ATG3: variants seen among roughly 807,000 people sequenced by gnomAD.
ATG3 encodes autophagy related 3.
ATG3 carries 25 observed loss-of-function variants against 50.7 expected under a neutral mutation model. The ratio of observed to expected loss-of-function variants is 0.49; its 90% CI spans 0.36 to 0.69. The LOEUF is 0.69. Ranked by LOEUF, ATG3 falls within the 30% of genes least tolerant of loss-of-function variation. The pLI is 0.00. For synonymous variants in ATG3, 119 were observed against 125.5 expected (o/e 0.95, Z 0.34); for missense variants, 281 against 376.0 (o/e 0.75, Z 2.09).
chr3:112,536,860 G>C (rs1933067062), intron 9 of ATG3: 1 of 187,458 alleles, frequency 5.3e-6, no homozygotes, highest in African/African-American at 2.6e-5. Context: ...GGCAGAGCTT[G>C]CAATGAGCTG....
intron 4 of ATG3, among the ~76,000 whole-genome samples, 195 bp downstream of exon 4, chr3:112,549,997 A>T (rs900215109): frequency 6.6e-6 from 1 of 152,182 alleles, no homozygotes; most frequent in Non-Finnish European, 1.5e-5. Flanking sequence ...ACTTCAAAAA[A>T]ATCCACTTAG....
chr3:112,551,289 T>G (rs1933519231), intron 3 of ATG3, among the ~76,000 whole-genome samples: 1 of 152,214 alleles, frequency 6.6e-6, no homozygotes, highest in Non-Finnish European at 1.5e-5. Flanking sequence ...TTCTTTTGAC[T>G]AGTCCCAAGT....
chr3:112,536,416 A>G (rs1454148756), intron 10 of ATG3, 59 bp downstream of exon 10: 2 of 1,584,928 alleles, frequency 1.3e-6, no homozygotes, highest in Non-Finnish European at 1.7e-6. Context: ...TTCTCAAGTA[A>G]TAAATCCATG....
At chr3:112,550,164 T>G in intron 4 of ATG3, 28 bp downstream of exon 4, 2 of 1,545,206 alleles carry the variant, frequency 1.3e-6, no homozygotes, top group East Asian at 2.3e-5. Flanking sequence ...TACGCAAAAT[T>G]TATTCATATA....
chr3:112,539,642 T>A (rs1225664990), intron 7 of ATG3, among the ~76,000 whole-genome samples: 4 of 152,216 alleles, frequency 2.6e-5, no homozygotes, highest in Non-Finnish European at 4.4e-5. Context: ...CTGATTAGAA[T>A]ATAAACTCCA....
chr3:112,556,857 T>TA (rs1047395850), intron 2 of ATG3, among the ~76,000 whole-genome samples: 2 of 151,904 alleles, frequency 1.3e-5, no homozygotes, highest in African/African-American at 4.8e-5. Flanking sequence ...CACCACTCCC[T>TA]AACCTCAAGT....
At chr3:112,538,045 C>T in intron 8 of ATG3, 101 bp downstream of exon 8, 2 of 1,231,866 alleles carry the variant, frequency 1.6e-6, no homozygotes, top group Non-Finnish European at 2.3e-6. Flanking sequence ...TCAATATGAA[C>T]AAATTAGAAT....
intron 7 of ATG3, among the ~76,000 whole-genome samples, chr3:112,540,540 CTCTA>C (rs559527379): frequency 6.3e-4 from 95 of 151,930 alleles, no homozygotes; most frequent in Non-Finnish European, 1.1e-3. Flanking sequence ...GTAATTTATA[CTCTA>C]TCTTTCTTGT....
chr3:112,553,164 G>C, intron 3 of ATG3, 116 bp downstream of exon 3: 2 of 822,614 alleles, frequency 2.4e-6, no homozygotes, highest in Non-Finnish European at 4.0e-6. Flanking sequence ...GAATCTGCTG[G>C]GGGGAAAGTT....
chr3:112,548,864 G>A (rs1933446464), intron 4 of ATG3, among the ~76,000 whole-genome samples: 1 of 152,222 alleles, frequency 6.6e-6, no homozygotes. Flanking sequence ...AAGACAAGTA[G>A]AAAAGCTCTA....
intron 7 of ATG3, chr3:112,538,385 T>C (rs116705008): frequency 0.011 from 5,792 of 526,510 alleles, 179 homozygotes; most frequent in African/African-American, 0.08. Flanking sequence ...TGTTTAAGGC[T>C]TGACATAATA....
intron 2 of ATG3, among the ~76,000 whole-genome samples, chr3:112,556,846 T>A (rs992788662): frequency 6.6e-6 from 1 of 151,960 alleles, no homozygotes; most frequent in African/African-American, 2.4e-5. Flanking sequence ...TTAAGAGTCA[T>A]CACCACTCCC....
At chr3:112,544,384 G>A (rs766077399) in intron 5 of ATG3, among the ~76,000 whole-genome samples, 1 of 152,108 alleles carries the variant, frequency 6.6e-6, no homozygotes, top group Non-Finnish European at 1.5e-5. Context: ...GGCCAGGTGC[G>A]GTGGATCACG....
chr3:112,534,442 A>ATTAATTT, intron 10 of ATG3, 105 bp from the exon 11 acceptor site: 1 of 760,454 alleles, frequency 1.3e-6, no homozygotes, highest in Non-Finnish European at 1.9e-6. Flanking sequence ...CTCTCAGTGA[A>ATTAATTT]TTAATTTTTA....
rs1933111406 is a variant in ATG3, at chr3:112,537,827, C to T, written c.574G>A (p.Asp192Asn). 3 of 1,612,738 alleles carry T rather than the reference C, an allele frequency of 1.9e-6. No homozygotes were observed. The South Asian group carries it at 3.3e-5, about 18-fold the overall frequency. ...TAAGTTCTGGTTTGCAAAATAGCAT[C>T]TTCACCGCCAGCATCAGTTTTGGCT... The part of the protein sequence containing the change: ...CKAKTDAGGE[D>N]AILQTRTYDL... Residue 192 changes from aspartate to asparagine, a missense_variant, in exon 9 of 12, where the codon GAT becomes AAT. By Grantham distance (23) the Asp-to-Asn change is conservative. Transcript: ENST00000283290.
Position 112,553,338 on chromosome 3 carries a change from GA to G in ATG3, c.115-10del, listed in dbSNP as rs1933579540. On this transcript the variant is annotated splice_polypyrimidine_tract_variant and intron_variant, in intron 2 of 11. Transcript: ENST00000283290. ...TCTCCAGCTGCCACAAACTATTCAG[GA>G]TTTAAAAGTAATATGAAAAAAAGGA... is the stretch of plus-strand genomic sequence containing the variant. The G allele has an allele frequency of 6.2e-7, 1 of 1,610,418 alleles. No homozygotes were observed. Among genetic ancestry groups the G allele is most frequent in the East Asian group, 2.2e-5 (1 of 44,840 alleles).
chr3:112,558,688 A>C (rs112080571), intron 1 of ATG3, among the ~76,000 whole-genome samples: 1 of 152,154 alleles, frequency 6.6e-6, no homozygotes, highest in Non-Finnish European at 1.5e-5. Flanking sequence ...AATAATTATA[A>C]TACTATCAGA....
At position 112,544,569 on chromosome 3, in the gene ATG3, G is replaced by A. The variant is rs950726800; in HGVS notation, c.344-463C>T. On this transcript the variant is annotated intron_variant, in intron 5 of 11. Transcript: ENST00000283290. ...CTTGGGAGGCTGAGACAGGAGAATC[G>A]CTTGGACCCGGAAGGTGGAGGTTGC... Among the ~76,000 whole-genome samples the A allele has an allele frequency of 2.1e-5, 3 of 145,942 alleles. No homozygotes were observed. In the East Asian group the frequency reaches 6.1e-4, roughly 30 times the overall value.
intron 5 of ATG3, among the ~76,000 whole-genome samples, chr3:112,544,751 T>C (rs1158527292): frequency 6.6e-6 from 1 of 151,894 alleles, no homozygotes; most frequent in East Asian, 1.9e-4. Flanking sequence ...CTCAAAAAGC[T>C]ATTAGTTATC....
Sources: gnomAD v4.1 joint callset for allele counts (sites outside exome capture counted in the v4.1 genomes callset) on GRCh38, gnomAD v4.1.1 for gene constraint, MANE v1.5 for transcripts, NCBI Gene and HGNC (gene_info 2026-07-23, HGNC 2026-07-21) for gene names.